The following COL22A1 variants were observed in gnomAD, a reference collection of about 807,000 sequenced individuals.
COL22A1 encodes collagen type XXII alpha 1 chain.
A neutral mutation model predicts 248.9 loss-of-function variants in COL22A1; 221 were observed. The observed-to-expected ratio is 0.89, with a 90% CI of 0.80 to 0.99. The LOEUF (loss-of-function observed/expected upper bound fraction) is 0.99. Ranked by LOEUF, COL22A1 falls within the 50% of genes least tolerant of loss-of-function variation. COL22A1 has a pLI of 0.00. For missense variants in COL22A1, 2,240 were observed against 2,179.0 expected (o/e 1.03, Z -0.56); for synonymous variants, 891 against 793.4 (o/e 1.12, Z -2.07).
At chr8:138,773,648 C>T (rs925301886) in intron 16 of COL22A1, among the ~76,000 whole-genome samples, 1 of 152,246 alleles carries the variant, frequency 6.6e-6, no homozygotes, top group African/African-American at 2.4e-5. Context: ...CATGTGTTGG[C>T]AGGTGTTGCC....
chr8:138,662,510 C>T (rs1014465129), intron 42 of COL22A1, among the ~76,000 whole-genome samples: 6 of 152,132 alleles, frequency 3.9e-5, no homozygotes, highest in Admixed American at 6.5e-5. Flanking sequence ...ATATGCCTGG[C>T]GATTACAACT....
At chr8:138,629,412 C>T (rs1339056945) in intron 50 of COL22A1, among the ~76,000 whole-genome samples, 1 of 152,188 alleles carries the variant, frequency 6.6e-6, no homozygotes, top group Non-Finnish European at 1.5e-5. Context: ...CCTTGGCCTC[C>T]CAAAGTACTG....
intron 6 of COL22A1, 67 bp downstream of exon 6, chr8:138,826,591 T>G: frequency 6.5e-7 from 1 of 1,542,220 alleles, no homozygotes; most frequent in Non-Finnish European, 8.9e-7. Context: ...TGGTGGGTGG[T>G]GCCATCCACT....
At position 138,588,739 on chromosome 8, in the gene COL22A1, A is replaced by G. The variant is rs1816799271; in HGVS notation, c.*514T>C. The G allele has an allele frequency of 6.6e-6, 1 of 152,464 alleles. No homozygotes were observed. The highest frequency in any genetic ancestry group is 1.5e-5 in the Non-Finnish European group (1 of 68,188). 9.4% of individuals were successfully genotyped at this position (152,464 alleles called of 1,614,324 possible). On this transcript the variant is annotated 3_prime_UTR_variant, in exon 65 of 65. Coordinates refer to ENST00000303045, the MANE Select transcript of COL22A1 (RefSeq NM_152888.3). ...TTCTGCTTCTTTACTCTCTCTGGAC[A>G]GTGGTGGTGTTTGTATTATTTCTCC...
rs754188252 is a variant in COL22A1 at position 138,826,663 on chromosome 8, G to T, written c.964C>A (p.Pro322Thr). The change falls in exon 6 of 65, where the codon CCA (proline) becomes ACA (threonine). Residue 322 changes from proline (P) to threonine (T), a missense_variant. Transcript: ENST00000303045. ...AAGGCATCTGCTGCCCTTACCTGTG[G>T]GATGCTGTACTGGTCGATGACCTGC... Reference protein sequence around the residue: ...IWQVIDQYSIPQVSIRLDGEN... With the variant: ...IWQVIDQYSITQVSIRLDGEN... The T allele has an allele frequency of 8.7e-6, 14 of 1,613,738 alleles. No individual in the cohort carries two copies. The highest frequency in any genetic ancestry group is 1.1e-5 in the South Asian group (1 of 91,034).
intron 55 of COL22A1, among the ~76,000 whole-genome samples, chr8:138,614,778 T>C (rs1184801429): frequency 6.6e-6 from 1 of 152,180 alleles, no homozygotes; most frequent in Non-Finnish European, 1.5e-5. Flanking sequence ...CTCCACACAC[T>C]GATCTTATAA....
rs765474291 is a variant in COL22A1, at chr8:138,649,751, G to T, written c.3361C>A (p.Pro1121Thr). ...CCTGGTAGACCAGGGAGGCCTGGGG[G>T]GCCAGGAGGGCAGTCATTGCACACA... ...KDVCNDCPPG[P>T]PGLPGLPGFK... The change falls in exon 46 of 65, where the codon CCC becomes ACC. Residue 1121 changes from proline (P) to threonine (T), a missense_variant. Physicochemically the swap from Pro to Thr is conservative, Grantham distance 38. Coordinates refer to ENST00000303045, the MANE Select transcript of COL22A1 (RefSeq NM_152888.3). 1 of 1,603,120 alleles carries T rather than the reference G, an allele frequency of 6.2e-7. No individual in the cohort carries two copies. Among genetic ancestry groups the T allele is most frequent in the Admixed American group, 1.7e-5 (1 of 58,142 alleles).
At chr8:138,712,998 G>C (rs1301572181) in intron 30 of COL22A1, among the ~76,000 whole-genome samples, 1 of 152,214 alleles carries the variant, frequency 6.6e-6, no homozygotes, top group African/African-American at 2.4e-5. Flanking sequence ...GAAAGGGTAA[G>C]AACTAGAAGC....
intron 30 of COL22A1, among the ~76,000 whole-genome samples, chr8:138,707,478 C>T (rs1828569222): frequency 6.6e-6 from 1 of 152,158 alleles, no homozygotes; most frequent in South Asian, 2.1e-4. Flanking sequence ...AAGGCTGGTT[C>T]AACATATGCA....
intron 5 of COL22A1, among the ~76,000 whole-genome samples, chr8:138,832,312 C>T (rs577616636): frequency 2.6e-5 from 4 of 152,144 alleles, no homozygotes; most frequent in East Asian, 1.9e-4. Context: ...CACTTTGCAC[C>T]GTGGACTCGC....
chr8:138,764,080 T>C (rs1833727129), intron 16 of COL22A1, among the ~76,000 whole-genome samples: 1 of 152,224 alleles, frequency 6.6e-6, no homozygotes, highest in Admixed American at 6.5e-5. Context: ...TTTGCTGCTT[T>C]TTCCGTTTGA....
At chr8:138,896,260 G>A (rs1024489385) in intron 1 of COL22A1, among the ~76,000 whole-genome samples, 11 of 152,124 alleles carry the variant, frequency 7.2e-5, no homozygotes, top group Non-Finnish European at 1.6e-4. Flanking sequence ...AAAAAAATTT[G>A]ATGACTAAGC....
intron 1 of COL22A1, among the ~76,000 whole-genome samples, chr8:138,889,920 T>C (rs7013126): frequency 0.17 from 25,900 of 152,116 alleles, 2,227 homozygotes; most frequent in Middle Eastern, 0.21. Context: ...TCTTTCTAAA[T>C]ACTCAAGAAA....
chr8:138,773,442 G>A (rs1461851966), intron 16 of COL22A1, among the ~76,000 whole-genome samples: 4 of 152,182 alleles, frequency 2.6e-5, no homozygotes, highest in African/African-American at 7.2e-5. Context: ...GTCCTTTGGA[G>A]TGGGGGGTCC....
At position 138,760,184 on chromosome 8, in the gene COL22A1, C is replaced by T. The variant is rs1027637212; in HGVS notation, c.1902+59G>A. 2.9e-6 allele frequency: 4 copies of T among 1,403,164 alleles called. No individual in the cohort carries two copies. In the East Asian group the frequency reaches 8.7e-5, roughly 31 times the overall value. 86.9% of individuals were successfully genotyped at this position (1,403,164 alleles called of 1,614,324 possible). On this transcript the variant is annotated intron_variant, in intron 18 of 64. Coordinates refer to ENST00000303045, the MANE Select transcript of COL22A1 (RefSeq NM_152888.3). ...CCTGAGCCTGGTTTGCCAAGGCGGGCAGTCCCCGCACCTGCCTGCCCAGGG... is the reference window on the plus strand; with the variant it reads ...CCTGAGCCTGGTTTGCCAAGGCGGGTAGTCCCCGCACCTGCCTGCCCAGGG...
rs151252641 is a variant in COL22A1, at chr8:138,684,462, C to G, written c.2975G>C (p.Arg992Pro). The G allele has an allele frequency of 4.2e-5, 68 of 1,609,824 alleles. No homozygotes were observed. The highest frequency in any genetic ancestry group is 5.5e-5 in the Non-Finnish European group (65 of 1,176,290). Reference protein sequence around the residue: ...GKGKDGEPGLRGSPGLPGPLG... With the variant: ...GKGKDGEPGLPGSPGLPGPLG... ...GGGTCCAGGGAGTCCAGGTGATCCA[C>G]GGAGTCCCTGGAGAAATAAATAATA... is the stretch of plus-strand genomic sequence containing the variant. Residue 992 changes from arginine to proline, a missense_variant, in exon 39 of 65, where the codon CGT becomes CCT. By Grantham distance (103) the Arg-to-Pro change is moderately radical. Transcript: ENST00000303045.
intron 41 of COL22A1, among the ~76,000 whole-genome samples, chr8:138,664,025 C>G (rs1564163529): frequency 6.6e-6 from 1 of 151,738 alleles, no homozygotes; most frequent in Non-Finnish European, 1.5e-5. Context: ...CTTTGTAGCT[C>G]TAGTGTGAGG....
At chr8:138,865,837 G>C (rs1380430954) in intron 3 of COL22A1, among the ~76,000 whole-genome samples, 1 of 151,310 alleles carries the variant, frequency 6.6e-6, no homozygotes, top group African/African-American at 2.4e-5. Context: ...GTGTGTATAT[G>C]TATGCCTGTG....
chr8:138,755,466 C>A lies in COL22A1; in HGVS notation c.1977+16G>T. On this transcript the variant is annotated intron_variant, in intron 20 of 64. Coordinates refer to ENST00000303045, the MANE Select transcript of COL22A1 (RefSeq NM_152888.3). ...GACCTAAATCCCCATGAGAAGAAGACGCGTGTGCCTCTTACCTGTTCCCCT... is the reference window on the plus strand; with the variant it reads ...GACCTAAATCCCCATGAGAAGAAGAAGCGTGTGCCTCTTACCTGTTCCCCT... The A allele has an allele frequency of 6.2e-7, 1 of 1,610,332 alleles. No individual in the cohort carries two copies. The highest frequency in any genetic ancestry group is 1.1e-5 in the South Asian group (1 of 91,018).
Sources: allele counts gnomAD v4.1 joint callset (sites outside exome capture counted in the v4.1 genomes callset), GRCh38; gene constraint gnomAD v4.1.1; transcripts MANE v1.5; gene names NCBI Gene and HGNC (gene_info 2026-07-23, HGNC 2026-07-21).